The following ATG4A variants were observed in gnomAD, a reference collection of about 807,000 sequenced individuals.
ATG4A encodes the protein cysteine protease ATG4A.
ATG4A carries 22 observed loss-of-function variants against 38.4 expected under a neutral mutation model. That is an observed-to-expected ratio of 0.57 (90% CI 0.41 to 0.82). The LOEUF (loss-of-function observed/expected upper bound fraction) is 0.82, where lower values mean the gene tolerates loss of function less well. Among genes scored for constraint, ATG4A ranks in the 40% least tolerant of loss-of-function variants. The pLI is 0.00. For missense variants in ATG4A, 220 were observed against 290.0 expected (o/e 0.76, Z 1.75); for synonymous variants, 86 against 100.7 (o/e 0.85, Z 0.88).
upstream of ATG4A, chrX:108,091,575 G>A: frequency 9.0e-7 from 1 of 1,112,736 alleles, no homozygotes; most frequent in Non-Finnish European, 1.2e-6. Flanking sequence ...CACGTCGCCG[G>A]CTCCGGCTAC....
intron 9 of ATG4A, among the ~76,000 whole-genome samples, chrX:108,141,085 T>C (rs1181747866): frequency 2.7e-5 from 2 of 72,872 alleles, no homozygotes; most frequent in Non-Finnish European, 5.3e-5. Flanking sequence ...TATATATATA[T>C]ATATATATAT....
chrX:108,142,943 A>G (rs928794314), intron 9 of ATG4A, among the ~76,000 whole-genome samples: 2 of 111,687 alleles, frequency 1.8e-5, no homozygotes, highest in Admixed American at 1.9e-4. Flanking sequence ...ACCCATATAC[A>G]TATCCTGAGA....
chrX:108,089,563 G>A (rs1416776597), upstream of ATG4A, among the ~76,000 whole-genome samples: 1 of 112,238 alleles, frequency 8.9e-6, no homozygotes, highest in African/African-American at 3.2e-5. Context: ...GCCGGGTGCG[G>A]TGGTTCACGC....
At chrX:108,145,467 C>G (rs1044483311) in intron 9 of ATG4A, among the ~76,000 whole-genome samples, 1 of 112,297 alleles carries the variant, frequency 8.9e-6, no homozygotes, top group Non-Finnish European at 1.9e-5. Context: ...TTAATTTGCT[C>G]GAGCAATGAA....
At chrX:108,093,925 A>C (rs1408300874) in intron 1 of ATG4A, among the ~76,000 whole-genome samples, 1 of 111,189 alleles carries the variant, frequency 9.0e-6, no homozygotes, top group Non-Finnish European at 1.9e-5. Context: ...TTGTTTTTTT[A>C]GTGTTGAGTT....
intron 1 of ATG4A, among the ~76,000 whole-genome samples, chrX:108,110,973 G>A (rs749304484): frequency 1.2e-4 from 13 of 111,371 alleles, no homozygotes; most frequent in South Asian, 1.1e-3. Context: ...GCACCATCAC[G>A]GCTCACTGCA....
intron 1 of ATG4A, among the ~76,000 whole-genome samples, chrX:108,098,599 T>C (rs1602606418): frequency 9.0e-6 from 1 of 111,241 alleles, no homozygotes; most frequent in East Asian, 2.8e-4. Flanking sequence ...ATATTCCATC[T>C]CTCCTGTGCT....
chrX:108,091,134 A>C (rs1042276263), upstream of ATG4A, among the ~76,000 whole-genome samples: 13 of 113,622 alleles, frequency 1.1e-4, no homozygotes, highest in Non-Finnish European at 2.2e-4. Flanking sequence ...CTTTTCACTG[A>C]TTGGGAGTTT....
intron 1 of ATG4A, among the ~76,000 whole-genome samples, chrX:108,124,736 A>G (rs1460485979): frequency 2.7e-5 from 3 of 112,196 alleles, no homozygotes; most frequent in Non-Finnish European, 3.8e-5. Context: ...CAAAATATTT[A>G]TATGATCAGA....
intron 1 of ATG4A, among the ~76,000 whole-genome samples, chrX:108,118,135 G>A (rs2032557704): frequency 8.9e-6 from 1 of 112,094 alleles, no homozygotes; most frequent in South Asian, 3.7e-4. Context: ...TAACTATAAT[G>A]TTCTAACCTC....
At chrX:108,149,430 A>G (rs2033524848) in intron 9 of ATG4A, among the ~76,000 whole-genome samples, 1 of 112,867 alleles carries the variant, frequency 8.9e-6, no homozygotes, top group Non-Finnish European at 1.9e-5. Context: ...TTTTGGGGCT[A>G]GACTTTTTCA....
intron 1 of ATG4A, among the ~76,000 whole-genome samples, chrX:108,109,193 A>G (rs2032282237): frequency 8.9e-6 from 1 of 111,955 alleles, no homozygotes. Context: ...AGTCATCCTA[A>G]TGGGTGTGAG....
intron 1 of ATG4A, among the ~76,000 whole-genome samples, chrX:108,123,905 A>G (rs2032727571): frequency 8.9e-6 from 1 of 112,547 alleles, no homozygotes; most frequent in Non-Finnish European, 1.9e-5. Context: ...CCCAAGGCTT[A>G]TATGCATACA....
At chrX:108,135,884 A>G (rs2033091206) in intron 6 of ATG4A, among the ~76,000 whole-genome samples, 1 of 109,202 alleles carries the variant, frequency 9.2e-6, no homozygotes, top group African/African-American at 3.3e-5. Flanking sequence ...TCCCAGGGTC[A>G]AGCATTCTCC....
chrX:108,126,979 C>G (rs2032814647), intron 2 of ATG4A: 2 of 262,779 alleles, frequency 7.6e-6, no homozygotes, highest in Non-Finnish European at 1.5e-5. Flanking sequence ...GGAAGTTAGG[C>G]ATTGTGGAGC....
At chrX:108,130,731 A>G (rs1045823298) in intron 3 of ATG4A, among the ~76,000 whole-genome samples, 6 of 111,865 alleles carry the variant, frequency 5.4e-5, no homozygotes, top group Non-Finnish European at 9.4e-5. Flanking sequence ...CCCCTATTTT[A>G]CAATGTCCTT....
At chrX:108,145,631 A>G (rs2033403846) in intron 9 of ATG4A, among the ~76,000 whole-genome samples, 1 of 112,509 alleles carries the variant, frequency 8.9e-6, no homozygotes, top group Non-Finnish European at 1.9e-5. Flanking sequence ...TGTGTCTTTC[A>G]GGTCCTTGAT....
chrX:108,134,039 T>A lies in ATG4A; in HGVS notation c.293-18T>A, dbSNP rs374845036. On this transcript the variant is annotated intron_variant, in intron 4 of 12. Coordinates refer to ENST00000372232, the MANE Select transcript of ATG4A (RefSeq NM_052936.5). ...CAGTTATAAAAATGTTTCTAACCCA[T>A]TTTTTTTTCTTAAAAAGACTGGAGC... 7.0e-5 allele frequency: 78 copies of A among 1,115,152 alleles called. No individual in the cohort carries two copies. In the African/African-American group the frequency reaches 1.3e-3, roughly 19 times the overall value. 91.9% of individuals were successfully genotyped at this position (1,115,152 alleles called of 1,213,427 possible).
chrX:108,133,975 T>C, intron 4 of ATG4A, 82 bp from the exon 5 acceptor site: 1 of 782,318 alleles, frequency 1.3e-6, no homozygotes, highest in Non-Finnish European at 1.8e-6. Context: ...GTTTTTCTTC[T>C]AACTTTGTAG....
Sources: allele counts gnomAD v4.1 joint callset (sites outside exome capture counted in the v4.1 genomes callset), GRCh38; gene constraint gnomAD v4.1.1; transcripts MANE v1.5; gene names NCBI Gene and HGNC (gene_info 2026-07-23, HGNC 2026-07-21).